TRANK1: variants seen among roughly 807,000 people sequenced by gnomAD.
TRANK1 encodes the protein tetratricopeptide repeat and ankyrin repeat containing 1.
Under a neutral mutation model 266.0 loss-of-function variants are expected in TRANK1, and 198 were observed. The ratio of observed to expected loss-of-function variants is 0.74; its 90% confidence interval spans 0.66 to 0.84. The LOEUF is 0.84. Among genes scored for constraint, TRANK1 ranks in the 40% least tolerant of loss-of-function variants. The pLI, the probability that TRANK1 is intolerant of heterozygous loss-of-function variation, is 0.00. For synonymous variants in TRANK1, 1,396 were observed against 1,384.1 expected, an observed-to-expected ratio of 1.01 and a Z score of -0.19; for missense variants, 3,326 against 3,634.6, an observed-to-expected ratio of 0.92 and a Z score of 2.18.
At position 36,828,059 on chromosome 3, in the gene TRANK1, T is replaced by G. The variant is rs1414346443; in HGVS notation, c.*216A>C. ...ATTTGTTTGTGGGGGAAACTAATACTGCCAGACTCTACTTGGAAACACTTT... is the reference window on the plus strand; with the variant it reads ...ATTTGTTTGTGGGGGAAACTAATACGGCCAGACTCTACTTGGAAACACTTT... On this transcript the variant is annotated 3_prime_UTR_variant, in exon 24 of 24. Transcript: ENST00000645898. 1.9e-6 allele frequency: 1 copy of G among 516,344 alleles called. No homozygotes were observed. The highest frequency in any genetic ancestry group is 3.5e-6 in the Non-Finnish European group (1 of 286,882). The allele number at this position is 516,344 out of a possible 1,614,324, so 32.0% of individuals were successfully genotyped here.
At chr3:36,884,611 G>A (rs1000654405) in intron 8 of TRANK1, among the ~76,000 whole-genome samples, 10 of 152,192 alleles carry the variant, frequency 6.6e-5, no homozygotes, top group African/African-American at 2.2e-4. Context: ...TATACAGGGA[G>A]AAGGAACAGC....
chr3:36,855,603 A>C lies in TRANK1; in HGVS notation c.4119T>G (p.Tyr1373Ter). ...GGCACCGTTTCCTCCCTAATTTCTT[A>C]TATACTTCTTCAGTGAGTCTCCCAT... ...CPHGRLTEEV[Y>*]KKLGRKRCPN... The change falls in exon 13 of 24, where the codon TAT (tyrosine) becomes TAG (stop). Residue 1373 changes from tyrosine to a stop codon, truncating the protein, a stop_gained. Coordinates refer to ENST00000645898, the MANE Select transcript of TRANK1 (RefSeq NM_001329998.2). LOFTEE classifies it high-confidence loss of function. 1 of 1,613,886 alleles carries C rather than the reference A, an allele frequency of 6.2e-7. No homozygotes were observed. Among genetic ancestry groups the C allele is most frequent in the Non-Finnish European group, 8.5e-7 (1 of 1,179,862 alleles).
chr3:36,915,913 C>T (rs1371902460), intron 1 of TRANK1, among the ~76,000 whole-genome samples: 3 of 152,140 alleles, frequency 2.0e-5, no homozygotes, highest in African/African-American at 7.2e-5. Context: ...AGTTCAAGAA[C>T]TGTCAGGTGA....
At chr3:36,938,955 G>A (rs943597239) in intron 1 of TRANK1, among the ~76,000 whole-genome samples, 4 of 150,696 alleles carry the variant, frequency 2.7e-5, no homozygotes, top group Non-Finnish European at 4.4e-5. Context: ...GCGAGAATCC[G>A]TCTCAAAAAA....
At chr3:36,872,043 T>C (rs1013075069) in intron 9 of TRANK1, among the ~76,000 whole-genome samples, 13 of 152,202 alleles carry the variant, frequency 8.5e-5, no homozygotes. Context: ...CCTTCAGTCA[T>C]ACATACAAAC....
intron 23 of TRANK1, among the ~76,000 whole-genome samples, chr3:36,828,773 C>T (rs560610224): frequency 5.3e-5 from 8 of 152,310 alleles, no homozygotes; most frequent in East Asian, 1.9e-4. Flanking sequence ...CAACCATACA[C>T]TTGAATTGGT....
chr3:36,892,687 G>A (rs754779258), intron 6 of TRANK1, among the ~76,000 whole-genome samples: 6 of 151,878 alleles, frequency 4.0e-5, no homozygotes, highest in Non-Finnish European at 8.8e-5. Context: ...ACAATTAGCC[G>A]GGCACTGTGG....
At chr3:36,908,192 G>T in intron 2 of TRANK1, 131 bp downstream of exon 2, 1 of 1,053,804 alleles carries the variant, frequency 9.5e-7, no homozygotes, top group Non-Finnish European at 1.2e-6. Context: ...ACAATGCAGA[G>T]AAGATAAATA....
At chr3:36,878,362 G>T (rs771576557) in intron 8 of TRANK1, among the ~76,000 whole-genome samples, 1 of 152,186 alleles carries the variant, frequency 6.6e-6, no homozygotes, top group East Asian at 1.9e-4. Flanking sequence ...TGCCAAAAAG[G>T]TTGGGGACCA....
chr3:36,920,770 G>A (rs2080202806), intron 1 of TRANK1, among the ~76,000 whole-genome samples: 1 of 152,214 alleles, frequency 6.6e-6, no homozygotes, highest in African/African-American at 2.4e-5. Context: ...ATAGTGGGGA[G>A]CCATCAATTT....
In TRANK1 at chr3:36,874,274, C is replaced by T. The variant is rs1209294333; in HGVS notation, c.930G>A (p.Met310Ile). The T allele has an allele frequency of 6.5e-7, 1 of 1,537,038 alleles. No homozygotes were observed. Among genetic ancestry groups the T allele is most frequent in the South Asian group, 1.2e-5 (1 of 84,040 alleles). Residue 310 changes from methionine to isoleucine, a missense_variant, in exon 9 of 24, where the codon ATG becomes ATA. By Grantham distance (10) the Met-to-Ile change is conservative. Coordinates refer to ENST00000645898, the MANE Select transcript of TRANK1 (RefSeq NM_001329998.2). ...LVKRQTEDVQ[M>I]LLRFGADPTL... is the part of the protein sequence containing the mutation. The stretch of plus-strand genomic sequence containing the variant: ...TGGGATCTGCCCCAAAGCGCAGGAG[C>T]ATCTGCACATCCTCTGTTTGTCCTA...
chr3:36,871,953 G>A (rs980428898), intron 9 of TRANK1, among the ~76,000 whole-genome samples: 4 of 152,194 alleles, frequency 2.6e-5, no homozygotes, highest in African/African-American at 9.7e-5. Context: ...ATTCAAGAGA[G>A]GGAGTGTTTC....
chr3:36,935,573 C>T (rs1371164274), intron 1 of TRANK1, among the ~76,000 whole-genome samples: 1 of 151,798 alleles, frequency 6.6e-6, no homozygotes, highest in Non-Finnish European at 1.5e-5. Flanking sequence ...GTCTCAGCCT[C>T]CCGAGTAGCT....
At chr3:36,837,291 C>T (rs1273350912) in intron 20 of TRANK1, among the ~76,000 whole-genome samples, 8 of 152,228 alleles carry the variant, frequency 5.3e-5, no homozygotes, top group Admixed American at 5.2e-4. Context: ...CCTTCTCCCA[C>T]ATCTTAAGAA....
chr3:36,832,719 T>C lies in TRANK1; in HGVS notation c.6864A>G (p.Ala2288=). ...AATTTGGTTTGAGGATTTCTTTGCA[T>C]GCCATGGGGTTTTCTGACAACACTC... is the stretch of plus-strand genomic sequence containing the variant. ...HQRVLSENPM[A]CKEILKPNYK... Residue 2288 remains alanine, a synonymous_variant, in exon 22 of 24, where the codon GCA becomes GCG. Coordinates refer to ENST00000645898, the MANE Select transcript of TRANK1 (RefSeq NM_001329998.2). 6.2e-7 allele frequency: 1 copy of C among 1,614,032 alleles called. No individual in the cohort carries two copies. Among genetic ancestry groups the C allele is most frequent in the Non-Finnish European group, 8.5e-7 (1 of 1,179,900 alleles).
chr3:36,942,774 C>T (rs937535651), intron 1 of TRANK1, among the ~76,000 whole-genome samples: 1 of 151,966 alleles, frequency 6.6e-6, no homozygotes, highest in Non-Finnish European at 1.5e-5. Context: ...TGCTGACGGT[C>T]TCCTCATACT....
chr3:36,869,960 T>C (rs1191702018), intron 9 of TRANK1, among the ~76,000 whole-genome samples: 1 of 152,254 alleles, frequency 6.6e-6, no homozygotes, highest in African/African-American at 2.4e-5. Context: ...TTTTAAACTT[T>C]GTGCCATCAG....
intron 7 of TRANK1, among the ~76,000 whole-genome samples, chr3:36,891,864 G>A (rs1007846011): frequency 5.3e-5 from 8 of 152,054 alleles, no homozygotes; most frequent in South Asian, 4.1e-4. Context: ...TGCCTATGCC[G>A]GAAGGAGGAA....
intron 1 of TRANK1, among the ~76,000 whole-genome samples, chr3:36,932,309 G>T (rs756056185): frequency 6.6e-6 from 1 of 152,114 alleles, no homozygotes. Flanking sequence ...AGTGGCTCAC[G>T]CCTGTAATCC....
Sources: allele counts gnomAD v4.1 joint callset (sites outside exome capture counted in the v4.1 genomes callset), GRCh38; gene constraint gnomAD v4.1.1; transcripts MANE v1.5; gene names NCBI Gene and HGNC (gene_info 2026-07-23, HGNC 2026-07-21).